The following CDKAL1 variants were observed in gnomAD, a reference collection of about 807,000 sequenced individuals.
The protein encoded by CDKAL1 is CDKAL1 threonylcarbamoyladenosine tRNA methylthiotransferase, also known as threonylcarbamoyladenosine tRNA methylthiotransferase.
A neutral mutation model predicts 68.2 loss-of-function variants in CDKAL1; 32 were observed. The ratio of observed to expected loss-of-function variants is 0.47; its 90% CI spans 0.35 to 0.63. The LOEUF is 0.63. Among genes scored for constraint, CDKAL1 ranks in the 30% least tolerant of loss-of-function variants. The pLI is 0.00. For synonymous variants in CDKAL1, 234 were observed against 244.3 expected (o/e 0.96, Z 0.39); for missense variants, 606 against 696.7 (o/e 0.87, Z 1.47).
intron 9 of CDKAL1, among the ~76,000 whole-genome samples, chr6:20,870,558 G>A (rs1023789683): frequency 1.1e-4 from 17 of 152,056 alleles, no homozygotes; most frequent in African/African-American, 3.6e-4. Context: ...CTTTCCTGAC[G>A]TTTACTTGTT....
At position 20,940,983 on chromosome 6, in the gene CDKAL1, G is replaced by A. The variant is rs543834579; in HGVS notation, c.743-14436G>A. 1.1e-4 allele frequency among the ~76,000 whole-genome samples: 16 copies of A among 152,124 alleles called. No homozygotes were observed. The South Asian group carries it at 2.3e-3, about 22-fold the overall frequency. On this transcript the variant is annotated intron_variant, in intron 9 of 15. Transcript: ENST00000274695. ...TGGGCGCCTGTAGTCCCAGCTACTC[G>A]GGAGGCTGAGGCAGAATGCTGTGAA...
At chr6:20,894,675 T>G (rs1761584121) in intron 9 of CDKAL1, among the ~76,000 whole-genome samples, 1 of 152,200 alleles carries the variant, frequency 6.6e-6, no homozygotes, top group African/African-American at 2.4e-5. Flanking sequence ...ATTTCTCCTC[T>G]AAGTTATACA....
At chr6:20,618,575 A>C (rs867108320) in intron 4 of CDKAL1, among the ~76,000 whole-genome samples, 2 of 152,216 alleles carry the variant, frequency 1.3e-5, no homozygotes, top group African/African-American at 4.8e-5. Context: ...ATTTTGATCA[A>C]ATTCATGACT....
At position 20,598,634 on chromosome 6, in the gene CDKAL1, G is replaced by C. The variant is rs111937213; in HGVS notation, c.286+49929G>C. Reference sequence around the variant, plus strand: ...CATTAAAATATACATATGAAACGAGGATCAAATTAAACATTTCAAGTAGCT... The same window carrying C: ...CATTAAAATATACATATGAAACGAGCATCAAATTAAACATTTCAAGTAGCT... On this transcript the variant is annotated intron_variant, in intron 4 of 15. Coordinates refer to ENST00000274695, the MANE Select transcript of CDKAL1 (RefSeq NM_017774.3). 2.3e-3 allele frequency among the ~76,000 whole-genome samples: 351 copies of C among 152,148 alleles called. 2 individuals carry two copies. The highest frequency in any genetic ancestry group is 2.8e-3 in the Admixed American group (42 of 15,266).
intron 9 of CDKAL1, among the ~76,000 whole-genome samples, chr6:20,949,423 C>T (rs1346616232): frequency 1.6e-4 from 25 of 151,988 alleles, no homozygotes; most frequent in Admixed American, 1.6e-3. Context: ...TGTATGTGTG[C>T]GTGTGTTTGT....
chr6:20,977,448 C>G (rs1243138390), intron 10 of CDKAL1, among the ~76,000 whole-genome samples: 1 of 152,152 alleles, frequency 6.6e-6, no homozygotes, highest in Non-Finnish European at 1.5e-5. Context: ...ACTATGTAAC[C>G]ATGTGAACTT....
chr6:20,943,655 GT>G (rs59685009), intron 9 of CDKAL1, among the ~76,000 whole-genome samples: 14,949 of 145,352 alleles, frequency 0.1, 1,138 homozygotes, highest in African/African-American at 0.22. Flanking sequence ...ATCTTCTTTT[GT>G]TTTTTTTTTA....
intron 9 of CDKAL1, among the ~76,000 whole-genome samples, chr6:20,906,971 CAT>C (rs779481886): frequency 2.0e-4 from 30 of 152,300 alleles, no homozygotes; most frequent in South Asian, 6.2e-4. Flanking sequence ...AATTATAACT[CAT>C]ATGAAATTAT....
chr6:20,984,965 C>T (rs778564656), intron 10 of CDKAL1, among the ~76,000 whole-genome samples: 4 of 152,128 alleles, frequency 2.6e-5, no homozygotes, highest in Non-Finnish European at 5.9e-5. Flanking sequence ...ATTTCCCTGC[C>T]TCCCCTCCCT....
At chr6:21,096,388 C>T (rs1773317267) in intron 12 of CDKAL1, among the ~76,000 whole-genome samples, 1 of 152,144 alleles carries the variant, frequency 6.6e-6, no homozygotes. Context: ...TTGCGCAGAT[C>T]CAGACTCTGT....
chr6:21,055,114 A>G (rs767591018), intron 11 of CDKAL1, among the ~76,000 whole-genome samples: 47 of 152,078 alleles, frequency 3.1e-4, no homozygotes, highest in Middle Eastern at 3.2e-3. Flanking sequence ...TAAGATCACT[A>G]TGTGGTTTTT....
Position 20,614,290 on chromosome 6 carries a change from C to T in CDKAL1, c.287-35003C>T, listed in dbSNP as rs7756788. Among the ~76,000 whole-genome samples, 905 of 152,138 alleles carry T rather than the reference C, an allele frequency of 5.9e-3. 12 individuals are homozygous for T. Among genetic ancestry groups the T allele is most frequent in the African/African-American group, 0.021 (870 of 41,534 alleles). On this transcript the variant is annotated intron_variant, in intron 4 of 15. Coordinates refer to ENST00000274695, the MANE Select transcript of CDKAL1 (RefSeq NM_017774.3). ...CACTTTATCAGTGTTTTCTTTTACT[C>T]CAAGGTGATGATGGTAATTCTCTGA...
intron 3 of CDKAL1, among the ~76,000 whole-genome samples, chr6:20,547,492 A>G (rs1480018775): frequency 5.9e-5 from 9 of 152,184 alleles, no homozygotes; most frequent in African/African-American, 2.2e-4. Flanking sequence ...ACGCTATTAT[A>G]GTAGATCTCT....
At chr6:20,697,739 C>T (rs1771166073) in intron 5 of CDKAL1, among the ~76,000 whole-genome samples, 1 of 152,150 alleles carries the variant, frequency 6.6e-6, no homozygotes, top group African/African-American at 2.4e-5. Flanking sequence ...TAACTTTTGT[C>T]ATTCATAATG....
intron 8 of CDKAL1, among the ~76,000 whole-genome samples, chr6:20,827,724 A>G (rs952644502): frequency 6.6e-6 from 1 of 152,206 alleles, no homozygotes; most frequent in Non-Finnish European, 1.5e-5. Flanking sequence ...GAAGACATAA[A>G]GATAGGTGAT....
intron 12 of CDKAL1, among the ~76,000 whole-genome samples, chr6:21,073,841 TTTTG>T (rs1427624080): frequency 2.9e-5 from 4 of 138,860 alleles, no homozygotes; most frequent in Non-Finnish European, 6.4e-5. Context: ...TGTTTATTTA[TTTTG>T]TTTATTATTT....
chr6:21,205,873 C>T (rs1191324532), intron 15 of CDKAL1, among the ~76,000 whole-genome samples: 20 of 120,338 alleles, frequency 1.7e-4, no homozygotes, highest in African/African-American at 2.3e-4. Flanking sequence ...CTTGCTCTGT[C>T]GCCCAGGCTG....
At chr6:20,765,724 T>C (rs946794028) in intron 7 of CDKAL1, among the ~76,000 whole-genome samples, 14 of 152,214 alleles carry the variant, frequency 9.2e-5, no homozygotes, top group Admixed American at 1.3e-4. Context: ...AGACTTTTAG[T>C]TGATTTTTTT....
rs549024288 is a variant in CDKAL1, at chr6:20,992,198, A to T, written c.910-8029A>T. 7.9e-5 allele frequency among the ~76,000 whole-genome samples: 11 copies of T among 139,812 alleles called. No homozygotes were observed. In the East Asian group the frequency reaches 2.1e-3, roughly 27 times the overall value. The allele number at this position is 139,812 out of a possible 152,430, so 91.7% of individuals were successfully genotyped here. ...ACACGTGACCATAGTCAGCTTTTTT[A>T]TATATATATATATGTATTTTGTATT... On this transcript the variant is annotated intron_variant, in intron 10 of 15. Coordinates refer to ENST00000274695, the MANE Select transcript of CDKAL1 (RefSeq NM_017774.3).
Sources: allele counts gnomAD v4.1 joint callset (sites outside exome capture counted in the v4.1 genomes callset), GRCh38; gene constraint gnomAD v4.1.1; transcripts MANE v1.5; gene names NCBI Gene and HGNC (gene_info 2026-07-23, HGNC 2026-07-21).